Variants in AOX1 observed in about 807,000 individuals in gnomAD.
The protein encoded by AOX1 is aldehyde oxidase 1, also known as aldehyde oxidase.
A neutral mutation model predicts 169.5 loss-of-function variants in AOX1; 153 were observed. The ratio of observed to expected loss-of-function variants is 0.90; its 90% CI spans 0.79 to 1.03. The LOEUF (loss-of-function observed/expected upper bound fraction) is 1.03. Ranked by LOEUF, AOX1 falls within the 50% of genes least tolerant of loss-of-function variation. AOX1 has a pLI of 0.00. For synonymous variants in AOX1, 562 were observed against 581.9 expected (o/e 0.97, Z 0.49); for missense variants, 1,656 against 1,663.9 (o/e 1.00, Z 0.08).
At chr2:200,640,048 A>G (rs1385286773) in intron 23 of AOX1, among the ~76,000 whole-genome samples, 1 of 151,886 alleles carries the variant, frequency 6.6e-6, no homozygotes, top group Non-Finnish European at 1.5e-5. Flanking sequence ...AAAAAAAAAA[A>G]AAAAAAGAAT....
Position 200,587,429 on chromosome 2 carries a change from C to T in AOX1, c.45+1276C>T, listed in dbSNP as rs575324169. ...AGGGCAGCCACAACACTTTTCCCGA[C>T]GGGCACCAGCTGCCTCCCCTGGAAG... On this transcript the variant is annotated intron_variant, in intron 1 of 34. Transcript: ENST00000374700. 8.0e-4 allele frequency among the ~76,000 whole-genome samples: 122 copies of T among 152,286 alleles called. 1 individual carries two copies. The highest frequency in any genetic ancestry group is 2.6e-3 in the African/African-American group (110 of 41,552).
chr2:200,602,189 C>T (rs2034428310), intron 5 of AOX1, 95 bp from the exon 6 acceptor site: 2 of 953,612 alleles, frequency 2.1e-6, no homozygotes, highest in Non-Finnish European at 1.6e-6. Context: ...ACAGATCTTT[C>T]CTCTATGATA....
At chr2:200,595,201 C>T (rs2034256047) in intron 2 of AOX1, 71 bp from the exon 3 acceptor site, 1 of 1,116,518 alleles carries the variant, frequency 9.0e-7, no homozygotes, top group Non-Finnish European at 1.3e-6. Flanking sequence ...ATATTACTGT[C>T]TCCTAGTGGC....
rs1440189762 is a variant in AOX1 at position 200,613,179 on chromosome 2, A to G, written c.1448+386A>G. Among the ~76,000 whole-genome samples, 3 of 152,150 alleles carry G rather than the reference A, an allele frequency of 2.0e-5. No homozygotes were observed. The East Asian group carries it at 5.8e-4, about 29-fold the overall frequency. On this transcript the variant is annotated intron_variant, in intron 14 of 34. Transcript: ENST00000374700. ...ATTGTTAAAGGCATTTGCTTACCTGACTTCCTATATCTAAAGATGACACTA... is the reference window on the plus strand; with the variant it reads ...ATTGTTAAAGGCATTTGCTTACCTGGCTTCCTATATCTAAAGATGACACTA...
chr2:200,625,270 A>G (rs1207833463), intron 19 of AOX1, among the ~76,000 whole-genome samples: 1 of 151,994 alleles, frequency 6.6e-6, no homozygotes, highest in Non-Finnish European at 1.5e-5. Context: ...TTTGCTGGAG[A>G]GTTAGAATTA....
In AOX1 at chr2:200,620,702, A is replaced by G. The variant is rs2034867293; in HGVS notation, c.1757A>G (p.His586Arg). The G allele has an allele frequency of 6.3e-7, 1 of 1,588,136 alleles. No homozygotes were observed. Among genetic ancestry groups the G allele is most frequent in the African/African-American group, 1.4e-5 (1 of 73,440 alleles). Residue 586 changes from histidine (H) to arginine (R), a missense_variant, in exon 17 of 35, where the codon CAT becomes CGT. Transcript: ENST00000374700. ...PEDPIGHPIMHLSGVKHATGE... is the reference protein window; with the variant it reads ...PEDPIGHPIMRLSGVKHATGE... ...GACCCAATTGGCCACCCCATCATGC[A>G]TCTGTCTGGTGTGAAGCATGCCACG...
chr2:200,586,908 ACT>A (rs1472372410), intron 1 of AOX1, among the ~76,000 whole-genome samples: 1 of 152,020 alleles, frequency 6.6e-6, no homozygotes, highest in Non-Finnish European at 1.5e-5. Context: ...GTGAGCATCA[ACT>A]CTGCTCACTC....
rs1382112201 is a variant in AOX1, at chr2:200,671,169, T to C, written c.*490T>C. ...TATCTAAGTGGGACCAAAGAAAAAA[T>C]AGCGAACTTTCACCAAAGTTTTCAT... is the stretch of plus-strand genomic sequence containing the variant. On this transcript the variant is annotated 3_prime_UTR_variant, in exon 35 of 35. Coordinates refer to ENST00000374700, the MANE Select transcript of AOX1 (RefSeq NM_001159.4). 3 of 152,414 alleles carry C rather than the reference T, an allele frequency of 2.0e-5. No individual in the cohort carries two copies. The highest frequency in any genetic ancestry group is 2.0e-4 in the Admixed American group (3 of 15,290). 9.4% of individuals were successfully genotyped at this position (152,414 alleles called of 1,614,324 possible).
At chr2:200,675,922 T>C (rs1432109469), downstream of AOX1, among the ~76,000 whole-genome samples, 1 of 149,414 alleles carries the variant, frequency 6.7e-6, no homozygotes, top group Non-Finnish European at 1.5e-5. Flanking sequence ...ATACTGCAAT[T>C]ACCTTTGCAC....
At chr2:200,639,460 G>A (rs2035308945) in intron 23 of AOX1, among the ~76,000 whole-genome samples, 1 of 152,190 alleles carries the variant, frequency 6.6e-6, no homozygotes, top group East Asian at 1.9e-4. Context: ...TTTGTTAAAT[G>A]CATAGCACTG....
At chr2:200,625,605 G>T (rs1239788173) in intron 19 of AOX1, among the ~76,000 whole-genome samples, 1 of 152,186 alleles carries the variant, frequency 6.6e-6, no homozygotes, top group Non-Finnish European at 1.5e-5. Flanking sequence ...GTTTAGAGCA[G>T]GGAAATATGC....
At chr2:200,603,230 G>A (rs374681400) in intron 6 of AOX1, 37 bp from the exon 7 acceptor site, 38 of 1,522,946 alleles carry the variant, frequency 2.5e-5, no homozygotes, top group Non-Finnish European at 3.2e-5. Flanking sequence ...AGTAGAATCA[G>A]CAATAAATTC....
chr2:200,662,933 C>T lies in AOX1; in HGVS notation c.3507C>T (p.Ser1169=), dbSNP rs148029705. 1,045 of 1,614,014 alleles carry T rather than the reference C, an allele frequency of 6.5e-4. 1 individual carries two copies. Among genetic ancestry groups the T allele is most frequent in the Non-Finnish European group, 8.4e-4 (988 of 1,179,932 alleles). Residue 1169 remains serine (S), a synonymous_variant, in exon 31 of 35, where the codon TCC becomes TCT. Coordinates refer to ENST00000374700, the MANE Select transcript of AOX1 (RefSeq NM_001159.4). The stretch of plus-strand genomic sequence containing the variant: ...ACTTTGTTTATGGAGCTGCCTGTTC[C>T]GAGGTTGAAATAGACTGCCTGACGG... The part of the protein sequence containing the change: ...FEYFVYGAAC[S]EVEIDCLTGD...
chr2:200,663,596 T>TCC (rs1553579858), intron 31 of AOX1, among the ~76,000 whole-genome samples: 99 of 148,034 alleles, frequency 6.7e-4, no homozygotes, highest in African/African-American at 1.9e-3. Context: ...TCTCTCTCTC[T>TCC]CCCCCTCTTT....
downstream of AOX1, among the ~76,000 whole-genome samples, chr2:200,680,742 C>G (rs779340542): frequency 9.7e-4 from 148 of 151,960 alleles, 1 homozygote; most frequent in Non-Finnish European, 2.0e-3. Context: ...GATGGGGTTT[C>G]GCCATGTTAG....
intron 5 of AOX1, among the ~76,000 whole-genome samples, 160 bp downstream of exon 5, chr2:200,599,906 C>T (rs1361170526): frequency 6.6e-6 from 1 of 152,206 alleles, no homozygotes; most frequent in Non-Finnish European, 1.5e-5. Context: ...GTGCCTCAGC[C>T]TCCCCTCATG....
At chr2:200,595,158 G>A in intron 2 of AOX1, 114 bp from the exon 3 acceptor site, 3 of 570,650 alleles carry the variant, frequency 5.3e-6, no homozygotes, top group Non-Finnish European at 9.2e-6. Context: ...TGATGAATAT[G>A]TATTGAACTT....
intron 16 of AOX1, among the ~76,000 whole-genome samples, chr2:200,618,001 G>A (rs987882299): frequency 4.6e-5 from 7 of 152,302 alleles, no homozygotes; most frequent in African/African-American, 1.7e-4. Flanking sequence ...TTGCCATGGG[G>A]ACAGGGCAGT....
chr2:200,640,645 G>A (rs979123641), intron 23 of AOX1, among the ~76,000 whole-genome samples: 2 of 152,192 alleles, frequency 1.3e-5, no homozygotes, highest in Non-Finnish European at 2.9e-5. Context: ...TGTAAATGCT[G>A]GGGGTAGAAG....
Sources: allele counts gnomAD v4.1 joint callset (sites outside exome capture counted in the v4.1 genomes callset), GRCh38; gene constraint gnomAD v4.1.1; transcripts MANE v1.5; gene names NCBI Gene and HGNC (gene_info 2026-07-23, HGNC 2026-07-21).